The following ABTB3 variants were observed in gnomAD, a reference collection of about 807,000 sequenced individuals.
ABTB3 encodes the protein ankyrin repeat and BTB domain containing 3.
At chr12:107,370,473 C>A in the ABTB3 span, among the ~76,000 whole-genome samples, 7 of 152,238 alleles carry the variant, frequency 4.6e-5, no homozygotes, top group Non-Finnish European at 8.8e-5. Context: ...CAGAGTGTGG[C>A]TCTTGCCTGG....
At chr12:107,452,363 C>A in the ABTB3 span, among the ~76,000 whole-genome samples, 1 of 152,026 alleles carries the variant, frequency 6.6e-6, no homozygotes, top group Non-Finnish European at 1.5e-5. Context: ...CCCACCACCA[C>A]GCCCGGCTAA....
chr12:107,625,470 G>T, the ABTB3 span, among the ~76,000 whole-genome samples: 1 of 152,192 alleles, frequency 6.6e-6, no homozygotes. Context: ...GACAGGGGAA[G>T]AGTGGCTGTC....
chr12:107,402,801 C>T, the ABTB3 span, among the ~76,000 whole-genome samples: 2 of 152,208 alleles, frequency 1.3e-5, no homozygotes, highest in African/African-American at 2.4e-5. Flanking sequence ...CTTCTGCTAC[C>T]TCCTAAATTC....
the ABTB3 span, among the ~76,000 whole-genome samples, chr12:107,422,857 A>T: frequency 6.6e-6 from 1 of 152,216 alleles, no homozygotes; most frequent in Non-Finnish European, 1.5e-5. Context: ...TATCTTCAGA[A>T]TTTAGCCTTC....
the ABTB3 span, among the ~76,000 whole-genome samples, chr12:107,656,624 G>A: frequency 6.6e-6 from 1 of 152,254 alleles, no homozygotes; most frequent in Admixed American, 6.5e-5. Context: ...AGATAGGCCA[G>A]AGGCTAATAT....
At chr12:107,382,353 C>A in the ABTB3 span, among the ~76,000 whole-genome samples, 4 of 152,140 alleles carry the variant, frequency 2.6e-5, no homozygotes, top group African/African-American at 9.7e-5. Context: ...GGTTTGGGTG[C>A]AAAGCCACTA....
At chr12:107,414,014 G>A in the ABTB3 span, among the ~76,000 whole-genome samples, 25 of 152,190 alleles carry the variant, frequency 1.6e-4, no homozygotes, top group Admixed American at 1.3e-4. Flanking sequence ...AGAAAAGAAG[G>A]CATAGCTAGG....
the ABTB3 span, among the ~76,000 whole-genome samples, chr12:107,349,143 T>C: frequency 2.0e-5 from 3 of 152,198 alleles, no homozygotes; most frequent in Admixed American, 1.3e-4. Flanking sequence ...ACTGGTCAGC[T>C]TCCATGCCTT....
the ABTB3 span, among the ~76,000 whole-genome samples, chr12:107,578,383 CTTTTTTTTT>C: frequency 1.7e-4 from 10 of 57,194 alleles, no homozygotes; most frequent in East Asian, 6.9e-4. Flanking sequence ...CTTTCTTCTT[CTTTTTTTTT>C]TTTTTTTTTT....
At chr12:107,581,947 C>T in the ABTB3 span, among the ~76,000 whole-genome samples, 1 of 152,168 alleles carries the variant, frequency 6.6e-6, no homozygotes, top group Non-Finnish European at 1.5e-5. Context: ...CACGAACACA[C>T]CTAAGAGCAT....
the ABTB3 span, among the ~76,000 whole-genome samples, chr12:107,388,483 C>T: frequency 6.6e-6 from 1 of 150,812 alleles, no homozygotes; most frequent in African/African-American, 2.4e-5. Flanking sequence ...CCTTTTCCTC[C>T]CCTTCTCCTC....
chr12:107,646,778 C>T, the ABTB3 span, among the ~76,000 whole-genome samples: 1 of 152,198 alleles, frequency 6.6e-6, no homozygotes, highest in Non-Finnish European at 1.5e-5. Flanking sequence ...GTTGTGCCCT[C>T]TGACTCTAGT....
the ABTB3 span, among the ~76,000 whole-genome samples, chr12:107,544,979 C>T: frequency 6.6e-6 from 1 of 152,206 alleles, no homozygotes; most frequent in African/African-American, 2.4e-5. Flanking sequence ...ATAGTAGGTG[C>T]TCAATAAATG....
the ABTB3 span, among the ~76,000 whole-genome samples, chr12:107,393,056 C>G: frequency 6.6e-6 from 1 of 152,042 alleles, no homozygotes; most frequent in Non-Finnish European, 1.5e-5. Flanking sequence ...CAGGCCACAC[C>G]TGGTGCAGGG....
chr12:107,337,787 G>A, the ABTB3 span, among the ~76,000 whole-genome samples: 1 of 152,196 alleles, frequency 6.6e-6, no homozygotes, highest in Non-Finnish European at 1.5e-5. Flanking sequence ...TGTTAAGGCA[G>A]CCGGTCAATT....
chr12:107,383,251 G>A, the ABTB3 span, among the ~76,000 whole-genome samples: 2 of 152,218 alleles, frequency 1.3e-5, no homozygotes, highest in Admixed American at 6.5e-5. Context: ...CATTTGCCCT[G>A]CAGGTATGGC....
the ABTB3 span, among the ~76,000 whole-genome samples, chr12:107,359,135 A>G: frequency 6.6e-6 from 1 of 152,240 alleles, no homozygotes; most frequent in South Asian, 2.1e-4. Flanking sequence ...ATTCATACTA[A>G]TAAAAAAAGT....
chr12:107,338,364 C>A, the ABTB3 span, among the ~76,000 whole-genome samples: 1 of 152,158 alleles, frequency 6.6e-6, no homozygotes, highest in African/African-American at 2.4e-5. Flanking sequence ...TTCACAACAG[C>A]CCTATGTTGT....
At chr12:107,646,863 G>A in the ABTB3 span, among the ~76,000 whole-genome samples, 1 of 151,502 alleles carries the variant, frequency 6.6e-6, no homozygotes, top group African/African-American at 2.4e-5. Flanking sequence ...ATCTGAGGAG[G>A]CGCCCCACTG....
Sources: gnomAD v4.1 joint callset for allele counts (sites outside exome capture counted in the v4.1 genomes callset) on GRCh38, gnomAD v4.1.1 for gene constraint, MANE v1.5 for transcripts, NCBI Gene and HGNC (gene_info 2026-07-23, HGNC 2026-07-21) for gene names.